Variants in HMGCLL1 observed in about 807,000 individuals in gnomAD.
The protein encoded by HMGCLL1 is 3-hydroxymethyl-3-methylglutaryl-CoA lyase, cytoplasmic.
Under a neutral mutation model 39.1 loss-of-function variants are expected in HMGCLL1, and 36 were observed. That is an observed-to-expected ratio of 0.92 (90% CI 0.71 to 1.22). The LOEUF (loss-of-function observed/expected upper bound fraction) is 1.22. HMGCLL1 is among the 50% of genes most tolerant of loss of function. The pLI is 0.00. For missense variants in HMGCLL1, 451 were observed against 416.5 expected (o/e 1.08, Z -0.72); for synonymous variants, 149 against 144.0 (o/e 1.03, Z -0.25).
the HMGCLL1 span, among the ~76,000 whole-genome samples, chr6:55,657,325 T>C: frequency 6.6e-6 from 1 of 152,022 alleles, no homozygotes; most frequent in African/African-American, 2.4e-5. Flanking sequence ...AGGGTTTATA[T>C]AGTTTTGAGT....
At chr6:55,625,782 T>C in the HMGCLL1 span, among the ~76,000 whole-genome samples, 3 of 152,244 alleles carry the variant, frequency 2.0e-5, no homozygotes, top group East Asian at 5.8e-4. Flanking sequence ...ACAAAGAAAT[T>C]TGGGGAAGAG....
At chr6:55,578,848 G>A in intron 1 of HMGCLL1, 100 bp downstream of exon 1, 1 of 821,404 alleles carries the variant, frequency 1.2e-6, no homozygotes, top group East Asian at 2.6e-5. Context: ...GGGGTGAGGA[G>A]GTGACATAAA....
the HMGCLL1 span, among the ~76,000 whole-genome samples, chr6:55,619,204 A>G: frequency 2.0e-5 from 3 of 152,090 alleles, no homozygotes; most frequent in Non-Finnish European, 4.4e-5. Flanking sequence ...AGGGGCATGA[A>G]AAAGAACTTT....
chr6:55,500,419 G>A (rs1766815687), intron 5 of HMGCLL1, among the ~76,000 whole-genome samples: 1 of 151,896 alleles, frequency 6.6e-6, no homozygotes, highest in Non-Finnish European at 1.5e-5. Flanking sequence ...ATTTGAAGAT[G>A]CACTATGAAA....
chr6:55,500,763 T>A (rs1034581926), intron 5 of HMGCLL1, among the ~76,000 whole-genome samples: 2 of 151,896 alleles, frequency 1.3e-5, no homozygotes, highest in Admixed American at 6.6e-5. Context: ...TGTTCTTAAA[T>A]GAACATAACA....
At chr6:55,511,064 T>C (rs972796153) in intron 5 of HMGCLL1, among the ~76,000 whole-genome samples, 1 of 151,986 alleles carries the variant, frequency 6.6e-6, no homozygotes. Flanking sequence ...AAAAGGATCC[T>C]GGCAAGCCAA....
the HMGCLL1 span, among the ~76,000 whole-genome samples, chr6:55,651,797 G>A: frequency 7.9e-5 from 12 of 152,180 alleles, no homozygotes; most frequent in Middle Eastern, 3.4e-3. Context: ...TTCTGACTAG[G>A]GCTGGTCTAA....
At chr6:55,636,411 G>T in the HMGCLL1 span, among the ~76,000 whole-genome samples, 3 of 152,252 alleles carry the variant, frequency 2.0e-5, no homozygotes, top group East Asian at 5.8e-4. Context: ...AGAACAAAGG[G>T]TCTAAGTTTC....
chr6:55,471,099 C>T (rs1765025330), intron 7 of HMGCLL1, among the ~76,000 whole-genome samples: 1 of 151,798 alleles, frequency 6.6e-6, no homozygotes, highest in Non-Finnish European at 1.5e-5. Flanking sequence ...TTCTGCATAT[C>T]ATTCTCCTGT....
At chr6:55,501,472 T>C (rs12523980) in intron 5 of HMGCLL1, among the ~76,000 whole-genome samples, 102,361 of 151,560 alleles carry the variant, frequency 0.68, 34,591 homozygotes, top group Non-Finnish European at 0.7. Flanking sequence ...GGTTGTCAAC[T>C]CTTTCTAAAG....
the HMGCLL1 span, among the ~76,000 whole-genome samples, chr6:55,588,480 T>A: frequency 6.6e-6 from 1 of 151,466 alleles, no homozygotes; most frequent in Non-Finnish European, 1.5e-5. Flanking sequence ...CACCCTAACA[T>A]CACAATTAAG....
intron 7 of HMGCLL1, among the ~76,000 whole-genome samples, chr6:55,462,083 G>A (rs1764591359): frequency 6.6e-6 from 1 of 151,918 alleles, no homozygotes; most frequent in Admixed American, 6.6e-5. Flanking sequence ...GCGATTATGG[G>A]GTTTTTGGGT....
intron 7 of HMGCLL1, among the ~76,000 whole-genome samples, chr6:55,481,392 A>C (rs1765735008): frequency 6.6e-6 from 1 of 151,992 alleles, no homozygotes; most frequent in South Asian, 2.1e-4. Context: ...AAAATAACTA[A>C]AAGAGTAGAA....
At chr6:55,567,495 T>C (rs1410140197) in intron 1 of HMGCLL1, among the ~76,000 whole-genome samples, 1 of 152,128 alleles carries the variant, frequency 6.6e-6, no homozygotes, top group East Asian at 1.9e-4. Flanking sequence ...CTTCTCTCTA[T>C]CCAAATCCCA....
chr6:55,513,593 A>C (rs1294077249), intron 5 of HMGCLL1: 2 of 157,282 alleles, frequency 1.3e-5, no homozygotes, highest in Non-Finnish European at 2.8e-5. Context: ...TTCCCAGAGC[A>C]GCTCAATTTT....
At chr6:55,520,677 G>A (rs1767991405) in intron 3 of HMGCLL1, among the ~76,000 whole-genome samples, 1 of 151,862 alleles carries the variant, frequency 6.6e-6, no homozygotes, top group Non-Finnish European at 1.5e-5. Context: ...TTTAAACAAT[G>A]AAACTAACAA....
the HMGCLL1 span, among the ~76,000 whole-genome samples, chr6:55,618,768 A>AT: frequency 6.6e-6 from 1 of 152,122 alleles, no homozygotes; most frequent in African/African-American, 2.4e-5. Flanking sequence ...TAACTAAGAG[A>AT]TTTTACTGAA....
intron 7 of HMGCLL1, among the ~76,000 whole-genome samples, chr6:55,479,335 T>G (rs988318409): frequency 6.6e-6 from 1 of 151,534 alleles, no homozygotes; most frequent in Non-Finnish European, 1.5e-5. Context: ...AAACTACACA[T>G]TTTTCCTTAT....
chr6:55,530,965 T>C (rs1291726404), intron 3 of HMGCLL1, among the ~76,000 whole-genome samples: 1 of 152,210 alleles, frequency 6.6e-6, no homozygotes, highest in African/African-American at 2.4e-5. Context: ...ATATGTTTCA[T>C]TTTAAGTGCT....
Sources: allele counts gnomAD v4.1 joint callset (sites outside exome capture counted in the v4.1 genomes callset), GRCh38; gene constraint gnomAD v4.1.1; transcripts MANE v1.5; gene names NCBI Gene and HGNC (gene_info 2026-07-23, HGNC 2026-07-21).